The following CDC42BPB variants were observed in gnomAD, a reference collection of about 807,000 sequenced individuals.
CDC42BPB encodes the protein serine/threonine-protein kinase MRCK beta.
Under a neutral mutation model 214.9 loss-of-function variants are expected in CDC42BPB, and 37 were observed. The ratio of observed to expected loss-of-function variants is 0.17; its 90% CI spans 0.13 to 0.23. The LOEUF (loss-of-function observed/expected upper bound fraction) is 0.23. Among genes scored for constraint, CDC42BPB ranks in the 10% least tolerant of loss-of-function variants. The pLI is 1.00. For missense variants in CDC42BPB, 1,694 were observed against 2,227.0 expected (o/e 0.76, Z 4.82); for synonymous variants, 931 against 884.0 (o/e 1.05, Z -0.94).
rs1158410371 is a variant in CDC42BPB, at chr14:103,004,237, G to A, written c.352-214C>T. 8.0e-7 allele frequency: 1 copy of A among 1,249,284 alleles called. No homozygotes were observed. Among genetic ancestry groups the A allele is most frequent in the African/African-American group, 1.5e-5 (1 of 65,112 alleles). The allele number at this position is 1,249,284 out of a possible 1,614,324, so 77.4% of individuals were successfully genotyped here. On this transcript the variant is annotated intron_variant, in intron 3 of 36. Transcript: ENST00000361246. This position sits in a 1 kb window ranked among gnomAD's most constrained non-coding sequence, Gnocchi z 5.3. ...CCGTGCAAGTGCCAAGGGCTGCTGA[G>A]GAGGCACTTGCACCCTGCTGTCCCA...
At chr14:103,018,199 G>A (rs1205193463) in intron 1 of CDC42BPB, among the ~76,000 whole-genome samples, 3 of 152,180 alleles carry the variant, frequency 2.0e-5, no homozygotes, top group Non-Finnish European at 4.4e-5. Context: ...AGGTGGGAAT[G>A]CTCACTCATC....
intron 5 of CDC42BPB, among the ~76,000 whole-genome samples, chr14:102,989,996 G>A (rs533051791): frequency 6.9e-4 from 105 of 152,264 alleles, no homozygotes; most frequent in African/African-American, 2.4e-3. Context: ...CTGCATGGAC[G>A]ATAGCAGAAG....
rs778091293 is a variant in CDC42BPB, at chr14:103,004,868, CAAAAAG to C, written c.352-851_352-846del. On this transcript the variant is annotated intron_variant, in intron 3 of 36. Transcript: ENST00000361246. The surrounding 1 kb of genome is among the most constrained non-coding windows in gnomAD (Gnocchi z 5.3). The stretch of plus-strand genomic sequence containing the variant: ...TGGACGACAGAGCCAGACTCCATCT[CAAAAAG>C]AAAAAAAAAATGGCTGGTCACGGTG... Among the ~76,000 whole-genome samples the C allele has an allele frequency of 1.3e-4, 19 of 149,752 alleles. No individual in the cohort carries two copies. The highest frequency in any genetic ancestry group is 2.5e-4 in the African/African-American group (10 of 40,704).
At chr14:102,948,056 A>G in intron 26 of CDC42BPB, 1 of 742,074 alleles carries the variant, frequency 1.3e-6, no homozygotes, top group Non-Finnish European at 1.6e-6. Flanking sequence ...TGGTGCCTCC[A>G]GACTATGCCA....
At chr14:102,957,198 C>CAAAAAA (rs1169886657) in intron 21 of CDC42BPB, among the ~76,000 whole-genome samples, 1 of 33,408 alleles carries the variant, frequency 3.0e-5, no homozygotes, top group African/African-American at 8.5e-5. Flanking sequence ...AAGACTGTCT[C>CAAAAAA]AAAAAAAAAA....
At chr14:103,035,482 G>A (rs894847637) in intron 1 of CDC42BPB, among the ~76,000 whole-genome samples, 1 of 151,742 alleles carries the variant, frequency 6.6e-6, no homozygotes, top group Non-Finnish European at 1.5e-5. Context: ...AGGATCACTT[G>A]AGCCCAGGAA....
rs565107871 is a variant in CDC42BPB at position 103,009,564 on chromosome 14, C to G, written c.268-1009G>C. 3.3e-5 allele frequency among the ~76,000 whole-genome samples: 5 copies of G among 152,358 alleles called. No homozygotes were observed. The Middle Eastern group carries it at 0.017, about 518-fold the overall frequency. ...TATCTTCTTTGAAACTCACACAAAA[C>G]TGAGTTTTGCATTAAGTTTTTGGCA... On this transcript the variant is annotated intron_variant, in intron 2 of 36. Coordinates refer to ENST00000361246, the MANE Select transcript of CDC42BPB (RefSeq NM_006035.4).
intron 36 of CDC42BPB, chr14:102,936,993 G>C (rs967690806): frequency 2.0e-5 from 3 of 152,198 alleles, no homozygotes; most frequent in African/African-American, 7.2e-5. Context: ...GGGCAACAAA[G>C]TGAGACCCTG....
At chr14:102,982,793 C>T (rs368661270) in intron 7 of CDC42BPB, among the ~76,000 whole-genome samples, 52 of 151,890 alleles carry the variant, frequency 3.4e-4, no homozygotes, top group African/African-American at 6.8e-4. Context: ...GCAGGAGAAT[C>T]GCTTGAACTC....
chr14:103,039,519 G>C (rs546355711), intron 1 of CDC42BPB, among the ~76,000 whole-genome samples: 1 of 152,128 alleles, frequency 6.6e-6, no homozygotes, highest in East Asian at 1.9e-4. Context: ...AGAAGAAAAC[G>C]AGCCACACAA....
At chr14:102,984,746 G>A (rs766237358) in intron 6 of CDC42BPB, among the ~76,000 whole-genome samples, 12 of 152,098 alleles carry the variant, frequency 7.9e-5, no homozygotes, top group African/African-American at 2.9e-4. Context: ...ACAACCACAG[G>A]CCTGTCTGGG....
chr14:103,053,836 A>C (rs1197132553), intron 1 of CDC42BPB, among the ~76,000 whole-genome samples: 1 of 151,824 alleles, frequency 6.6e-6, no homozygotes, highest in Non-Finnish European at 1.5e-5. Flanking sequence ...TGAGCCAAAA[A>C]TAATCATATT....
rs1461315784 is a variant in CDC42BPB at position 102,944,921 on chromosome 14, A to T, written c.3812-434T>A. On this transcript the variant is annotated intron_variant, in intron 29 of 36. Coordinates refer to ENST00000361246, the MANE Select transcript of CDC42BPB (RefSeq NM_006035.4). This position sits in a 1 kb window ranked among gnomAD's most constrained non-coding sequence, Gnocchi z 6.6. Reference sequence around the variant, plus strand: ...AAAGAGCTGTCCCCAACCCACTGGGACCCTGAGACAAATCCTCTGAAGACG... The same window carrying T: ...AAAGAGCTGTCCCCAACCCACTGGGTCCCTGAGACAAATCCTCTGAAGACG... Among the ~76,000 whole-genome samples the T allele has an allele frequency of 6.6e-6, 1 of 152,102 alleles. No individual in the cohort carries two copies. The highest frequency in any genetic ancestry group is 1.5e-5 in the Non-Finnish European group (1 of 68,012).
intron 1 of CDC42BPB, among the ~76,000 whole-genome samples, chr14:103,048,553 A>AAAAAAAAAAAAAAT (rs1888426543): frequency 6.8e-6 from 1 of 146,864 alleles, no homozygotes; most frequent in Non-Finnish European, 1.5e-5. Context: ...AAAAAAAAAA[A>AAAAAAAAAAAAAAT]AAAAAAAATT....
intron 4 of CDC42BPB, among the ~76,000 whole-genome samples, chr14:103,000,383 G>C (rs987717177): frequency 2.0e-5 from 3 of 152,246 alleles, no homozygotes; most frequent in African/African-American, 7.2e-5. Context: ...TCTGCCTGAG[G>C]ACAGCCTGTC....
intron 18 of CDC42BPB, chr14:102,964,927 C>CT (rs926008057): frequency 0.029 from 8,490 of 294,022 alleles, 1 homozygote; most frequent in Non-Finnish European, 0.038. Context: ...CTTTTCTTTT[C>CT]TTTTTTTTTT....
rs34194778 is a variant in CDC42BPB, at chr14:102,985,961, G to T, written c.690+526C>A. Among the ~76,000 whole-genome samples the T allele has an allele frequency of 4.8e-3, 736 of 152,270 alleles. 11 individuals carry two copies. The highest frequency in any genetic ancestry group is 0.017 in the African/African-American group (686 of 41,558). On this transcript the variant is annotated intron_variant, in intron 6 of 36. Transcript: ENST00000361246. ...TGGGTCTCCTGGTGATAGCCGATCC[G>T]GGGGCAACCTCCTGTTCTTTCCCTG...
chr14:103,018,158 T>C (rs1006735522), intron 1 of CDC42BPB, among the ~76,000 whole-genome samples: 5 of 152,186 alleles, frequency 3.3e-5, no homozygotes, highest in African/African-American at 9.7e-5. Flanking sequence ...GAGAATCTAA[T>C]GCCACGCTGA....
Position 103,004,836 on chromosome 14 carries a change from TCCAGCCTGGACGACAGAG to T in CDC42BPB, c.352-831_352-814del, listed in dbSNP as rs1895159522. ...GTGAGCCAAAATTGCATCACCGTAC[TCCAGCCTGGACGACAGAG>T]CCAGACTCCATCTCAAAAAGAAAAA... On this transcript the variant is annotated intron_variant, in intron 3 of 36. Transcript: ENST00000361246. The surrounding 1 kb of genome is among the most constrained non-coding windows in gnomAD (Gnocchi z 5.3). Among the ~76,000 whole-genome samples, 2 of 150,738 alleles carry T rather than the reference TCCAGCCTGGACGACAGAG, an allele frequency of 1.3e-5. No individual in the cohort carries two copies. Among genetic ancestry groups the T allele is most frequent in the South Asian group, 4.2e-4 (2 of 4,748 alleles).
Sources: gnomAD v4.1 joint callset for allele counts (sites outside exome capture counted in the v4.1 genomes callset) on GRCh38, gnomAD v4.1.1 for gene constraint, Gnocchi (gnomAD v3.1) non-coding constraint, MANE v1.5 for transcripts, NCBI Gene and HGNC (gene_info 2026-07-23, HGNC 2026-07-21) for gene names.